Variants in TRERF1 observed in about 807,000 individuals in gnomAD.
The protein encoded by TRERF1 is transcriptional regulating factor 1.
TRERF1 carries 27 observed loss-of-function variants against 122.9 expected under a neutral mutation model. The ratio of observed to expected loss-of-function variants is 0.22; its 90% CI spans 0.16 to 0.30. The LOEUF (loss-of-function observed/expected upper bound fraction) is 0.30, where lower values mean the gene tolerates loss of function less well. Among genes scored for constraint, TRERF1 ranks in the 10% least tolerant of loss-of-function variants. The pLI, the probability that TRERF1 is intolerant of heterozygous loss-of-function variation, is 1.00. For synonymous variants in TRERF1, 636 were observed against 641.7 expected (o/e 0.99, Z 0.13); for missense variants, 1,248 against 1,560.3 (o/e 0.80, Z 3.37).
At chr6:42,302,394 G>A (rs887430675) in intron 3 of TRERF1, among the ~76,000 whole-genome samples, 1 of 152,086 alleles carries the variant, frequency 6.6e-6, no homozygotes, top group East Asian at 1.9e-4. Flanking sequence ...TTCTAAATTC[G>A]CTGCTTTTAA....
Position 42,413,670 on chromosome 6 carries a change from C to T in TRERF1, c.-454+37507G>A, listed in dbSNP as rs953280634. ...GTCTTGATCTCTTGACCTCGTGATC[C>T]GCCCGCCACAGCCTCCCAAAGTGTT... On this transcript the variant is annotated intron_variant, in intron 2 of 17. Transcript: ENST00000372922. 5.3e-5 allele frequency among the ~76,000 whole-genome samples: 8 copies of T among 152,042 alleles called. No homozygotes were observed. In the East Asian group the frequency reaches 5.8e-4, roughly 11 times the overall value.
At chr6:42,368,691 A>C (rs559813932) in intron 2 of TRERF1, among the ~76,000 whole-genome samples, 2 of 152,214 alleles carry the variant, frequency 1.3e-5, no homozygotes, top group Non-Finnish European at 2.9e-5. Context: ...GGGAATGAGA[A>C]ATTAAAGATT....
At chr6:42,294,247 T>A (rs1784740441) in intron 4 of TRERF1, among the ~76,000 whole-genome samples, 1 of 143,822 alleles carries the variant, frequency 7.0e-6, no homozygotes, top group South Asian at 2.2e-4. Context: ...AGTGGTGCAA[T>A]CTCAGCTCAC....
rs572942561 is a variant in TRERF1, at chr6:42,250,470, T to C, written c.2657-3926A>G. On this transcript the variant is annotated intron_variant, in intron 13 of 17. Coordinates refer to ENST00000372922, the Ensembl canonical transcript of TRERF1. ...CTGATAGGGACACGTTCCTCGTTCT[T>C]AGACAAGGTTCTCTAAGCCGGCCCT... Among the ~76,000 whole-genome samples the C allele has an allele frequency of 2.0e-5, 3 of 152,280 alleles. No homozygotes were observed. In the South Asian group the frequency reaches 6.2e-4, roughly 32 times the overall value.
intron 2 of TRERF1, among the ~76,000 whole-genome samples, chr6:42,386,585 A>C (rs1350443447): frequency 6.6e-6 from 1 of 152,232 alleles, no homozygotes; most frequent in Non-Finnish European, 1.5e-5. Flanking sequence ...GCACTGGATT[A>C]GAGAATTAAT....
chr6:42,339,934 A>G (rs1766930731), intron 3 of TRERF1, among the ~76,000 whole-genome samples: 1 of 152,208 alleles, frequency 6.6e-6, no homozygotes, highest in South Asian at 2.1e-4. Context: ...TACTTAATAC[A>G]TATTCAAACC....
intron 2 of TRERF1, among the ~76,000 whole-genome samples, chr6:42,412,227 C>G (rs541614438): frequency 6.4e-4 from 98 of 152,204 alleles, no homozygotes; most frequent in African/African-American, 2.3e-3. Context: ...TCTCGAACTC[C>G]CGACCTCAGA....
At chr6:42,300,880 A>T (rs1356725809) in intron 3 of TRERF1, 131 bp from the exon 4 acceptor site, 1 of 152,372 alleles carries the variant, frequency 6.6e-6, no homozygotes, top group African/African-American at 2.4e-5. Context: ...CTCTTAGGTA[A>T]TGAGGAAGCA....
chr6:42,256,507 T>C (rs1354225640), intron 12 of TRERF1, among the ~76,000 whole-genome samples: 1 of 152,086 alleles, frequency 6.6e-6, no homozygotes, highest in East Asian at 1.9e-4. Flanking sequence ...CAGTTCTAAC[T>C]TTAGGAACAG....
chr6:42,342,870 C>A (rs1385827302), intron 3 of TRERF1, among the ~76,000 whole-genome samples: 2 of 152,234 alleles, frequency 1.3e-5, no homozygotes, highest in Non-Finnish European at 2.9e-5. Flanking sequence ...CAAGTCTTCT[C>A]TTTTCTAGGC....
chr6:42,321,188 A>G (rs2150457060), intron 3 of TRERF1, among the ~76,000 whole-genome samples: 1 of 152,148 alleles, frequency 6.6e-6, no homozygotes, highest in East Asian at 1.9e-4. Context: ...TCTCTGGAGA[A>G]ACTGAACTAA....
intron 3 of TRERF1, among the ~76,000 whole-genome samples, chr6:42,348,213 A>C (rs1336028631): frequency 6.6e-6 from 1 of 151,812 alleles, no homozygotes; most frequent in Non-Finnish European, 1.5e-5. Context: ...ACACACACAC[A>C]CCCATACTTC....
At chr6:42,410,074 T>G (rs1248645991) in intron 2 of TRERF1, among the ~76,000 whole-genome samples, 1 of 152,216 alleles carries the variant, frequency 6.6e-6, no homozygotes, top group Non-Finnish European at 1.5e-5. Context: ...ATGATTTCTT[T>G]CTATTAATAT....
intron 2 of TRERF1, among the ~76,000 whole-genome samples, chr6:42,421,390 G>A (rs1782740305): frequency 6.6e-6 from 1 of 152,086 alleles, no homozygotes; most frequent in South Asian, 2.1e-4. Flanking sequence ...ATATTTTCAA[G>A]AAACAAATGC....
chr6:42,409,099 CAACATGACAA>C, intron 2 of TRERF1, among the ~76,000 whole-genome samples: 1 of 152,120 alleles, frequency 6.6e-6, no homozygotes, highest in East Asian at 1.9e-4. Context: ...CCATCCCAGG[CAACATGACAA>C]AATCCTGTCT....
chr6:42,239,058 G>A (rs545261391), intron 15 of TRERF1, among the ~76,000 whole-genome samples: 73 of 152,038 alleles, frequency 4.8e-4, no homozygotes, highest in Non-Finnish European at 9.4e-4. Context: ...ATGTCCACAG[G>A]TGCATGTTTA....
At chr6:42,377,392 C>T (rs1033617306) in intron 2 of TRERF1, among the ~76,000 whole-genome samples, 1 of 152,182 alleles carries the variant, frequency 6.6e-6, no homozygotes, top group Non-Finnish European at 1.5e-5. Flanking sequence ...CCATTCCGGA[C>T]ATTTCCTATA....
rs1778601121 is a variant in TRERF1 at position 42,263,454 on chromosome 6, T to G, written c.1750A>C (p.Met584Leu). Residue 584 changes from methionine (M) to leucine (L), a missense_variant, in exon 8 of 18, where the codon ATG becomes CTG. By Grantham distance (15) the Met-to-Leu change is conservative. Around this residue, in one of 5 missense-constraint regions of TRERF1, gnomAD observed 946 missense variants for 1,073.0 expected, o/e 0.88. Transcript: ENST00000372922. The surrounding 1 kb of genome is among the most constrained non-coding windows in gnomAD (Gnocchi z 5.6). ...AGCTTGACAGGGACAGACACGGGCA[T>G]GACCATAGGCGTGAGGCTTTCTGCC... 6.2e-7 allele frequency: 1 copy of G among 1,607,884 alleles called. No homozygotes were observed. The highest frequency in any genetic ancestry group is 8.5e-7 in the Non-Finnish European group (1 of 1,176,772).
At chr6:42,451,699 T>G (rs954980888) in intron 1 of TRERF1, among the ~76,000 whole-genome samples, 1 of 146,560 alleles carries the variant, frequency 6.8e-6, no homozygotes, top group Non-Finnish European at 1.5e-5. Context: ...CAGGCTCTCC[T>G]GATGCTGGAA....
Sources: gnomAD v4.1 joint callset for allele counts (sites outside exome capture counted in the v4.1 genomes callset) on GRCh38, gnomAD v4.1.1 for gene constraint, gnomAD v4.1.1 regional missense constraint, Gnocchi (gnomAD v3.1) non-coding constraint, MANE v1.5 for transcripts, NCBI Gene and HGNC (gene_info 2026-07-23, HGNC 2026-07-21) for gene names.